C12orf54: variants seen among roughly 807,000 people sequenced by gnomAD.
C12orf54 encodes the protein chromosome 12 open reading frame 54, also known as uncharacterized protein C12orf54.
A neutral mutation model predicts 26.4 loss-of-function variants in C12orf54; 24 were observed. The ratio of observed to expected loss-of-function variants is 0.91; its 90% confidence interval spans 0.66 to 1.28. The LOEUF is 1.28. Among genes scored for constraint, C12orf54 ranks in the 50% most tolerant of loss-of-function variants. The pLI is 0.00. For synonymous variants in C12orf54, 54 were observed against 47.0 expected, an observed-to-expected ratio of 1.15 and a Z score of -0.61; for missense variants, 154 against 150.9, an observed-to-expected ratio of 1.02 and a Z score of -0.11.
chr12:48,453,192 A>G, the C12orf54 span, among the ~76,000 whole-genome samples: 1 of 152,218 alleles, frequency 6.6e-6, no homozygotes, highest in African/African-American at 2.4e-5. Flanking sequence ...TTGCAGGAAC[A>G]TGGATGGAGC....
At chr12:48,476,961 C>T in the C12orf54 span, among the ~76,000 whole-genome samples, 3 of 152,140 alleles carry the variant, frequency 2.0e-5, no homozygotes, top group African/African-American at 4.8e-5. Context: ...CAGCACCACA[C>T]CACACCTATT....
the C12orf54 span, among the ~76,000 whole-genome samples, chr12:48,451,047 C>G: frequency 6.6e-6 from 1 of 152,056 alleles, no homozygotes; most frequent in Non-Finnish European, 1.5e-5. Flanking sequence ...AAACTTCAGG[C>G]CAATATCCTT....
chr12:48,452,830 A>G, the C12orf54 span, among the ~76,000 whole-genome samples: 1 of 152,090 alleles, frequency 6.6e-6, no homozygotes, highest in East Asian at 1.9e-4. Context: ...AATGTCTATT[A>G]TTAAAAATAA....
chr12:48,435,302 G>A, the C12orf54 span, among the ~76,000 whole-genome samples: 1 of 152,244 alleles, frequency 6.6e-6, no homozygotes, highest in South Asian at 2.1e-4. Context: ...ACCTGAAACT[G>A]ATGGGGAGAA....
chr12:48,437,497 C>G, the C12orf54 span, among the ~76,000 whole-genome samples: 3 of 152,156 alleles, frequency 2.0e-5, no homozygotes, highest in Non-Finnish European at 4.4e-5. Flanking sequence ...ATGCAAAAAT[C>G]CTCAGTAAAA....
At chr12:48,425,607 G>T in the C12orf54 span, among the ~76,000 whole-genome samples, 1 of 152,018 alleles carries the variant, frequency 6.6e-6, no homozygotes, top group East Asian at 1.9e-4. Flanking sequence ...GTGGATTTCT[G>T]TTTCAAATTG....
At chr12:48,421,592 C>T in the C12orf54 span, among the ~76,000 whole-genome samples, 495 of 139,076 alleles carry the variant, frequency 3.6e-3, 1 homozygote, top group South Asian at 0.01. Flanking sequence ...TGCAGTGGCA[C>T]GATCTCAGCT....
chr12:48,418,854 G>A, the C12orf54 span, among the ~76,000 whole-genome samples: 1 of 151,246 alleles, frequency 6.6e-6, no homozygotes, highest in Non-Finnish European at 1.5e-5. Context: ...ATAAAGTAGA[G>A]CCCAAGTAAC....
the C12orf54 span, among the ~76,000 whole-genome samples, chr12:48,464,203 T>A: frequency 1.3e-5 from 2 of 151,964 alleles, no homozygotes; most frequent in East Asian, 3.9e-4. Context: ...AAAAGCTCCT[T>A]CAGCTGATAA....
the C12orf54 span, among the ~76,000 whole-genome samples, chr12:48,455,254 A>G: frequency 6.6e-6 from 1 of 152,322 alleles, no homozygotes; most frequent in East Asian, 1.9e-4. Flanking sequence ...AGCTGCATCC[A>G]TGTTGCTCCA....
chr12:48,456,255 A>G, the C12orf54 span, among the ~76,000 whole-genome samples: 2 of 152,186 alleles, frequency 1.3e-5, no homozygotes, highest in African/African-American at 4.8e-5. Context: ...CTCACACTGT[A>G]ATGAGGAATA....
the C12orf54 span, among the ~76,000 whole-genome samples, chr12:48,443,433 A>G: frequency 1.3e-5 from 2 of 152,164 alleles, no homozygotes; most frequent in Non-Finnish European, 2.9e-5. Flanking sequence ...ATTTCCATCC[A>G]CTGACTTTTA....
At chr12:48,473,374 GA>G in the C12orf54 span, 1 of 1,032,868 alleles carries the variant, frequency 9.7e-7, no homozygotes, top group Non-Finnish European at 1.5e-6. Flanking sequence ...GGTCAGAAGC[GA>G]AAATAAGAAA....
the C12orf54 span, among the ~76,000 whole-genome samples, chr12:48,427,932 C>A: frequency 6.6e-6 from 1 of 151,946 alleles, no homozygotes; most frequent in Non-Finnish European, 1.5e-5. Context: ...ACAAAACAAG[C>A]CTCAGTAAGT....
At chr12:48,481,954 A>G (rs1401041406), upstream of C12orf54, among the ~76,000 whole-genome samples, 2 of 152,176 alleles carry the variant, frequency 1.3e-5, no homozygotes, top group African/African-American at 4.8e-5. Flanking sequence ...CACCATCACC[A>G]AAAGGAAGCA....
At chr12:48,429,648 G>C in the C12orf54 span, among the ~76,000 whole-genome samples, 1 of 151,742 alleles carries the variant, frequency 6.6e-6, no homozygotes, top group East Asian at 1.9e-4. Flanking sequence ...ACAAAACATT[G>C]CTGAAAAAAA....
At chr12:48,447,327 C>T in the C12orf54 span, among the ~76,000 whole-genome samples, 4 of 151,780 alleles carry the variant, frequency 2.6e-5, no homozygotes, top group African/African-American at 7.3e-5. Flanking sequence ...TCTTGGACTT[C>T]CCATCCTCCA....
chr12:48,438,485 C>T, the C12orf54 span, among the ~76,000 whole-genome samples: 2,191 of 152,244 alleles, frequency 0.014, 56 homozygotes, highest in African/African-American at 0.049. Context: ...GGAGGCATCA[C>T]GCTACCTGAC....
At position 48,494,012 on chromosome 12, in the gene C12orf54, A is replaced by G. The variant is rs971154093; in HGVS notation, c.243-786A>G. 2.7e-5 allele frequency among the ~76,000 whole-genome samples: 4 copies of G among 148,002 alleles called. No individual in the cohort carries two copies. The Admixed American group carries it at 2.7e-4, about 10-fold the overall frequency. On this transcript the variant is annotated intron_variant, in intron 7 of 8. Transcript: ENST00000548364. ...GGCAGGTGGATCACCTGAGGTCAGG[A>G]GTTCAAGACCAGCCTGACCAACACA...
Sources: gnomAD v4.1 joint callset for allele counts (sites outside exome capture counted in the v4.1 genomes callset) on GRCh38, gnomAD v4.1.1 for gene constraint, MANE v1.5 for transcripts, NCBI Gene and HGNC (gene_info 2026-07-23, HGNC 2026-07-21) for gene names.